Variants in FAM76B observed in about 807,000 individuals in gnomAD.
FAM76B encodes protein FAM76B.
A neutral mutation model predicts 51.8 loss-of-function variants in FAM76B; 16 were observed. The observed-to-expected ratio is 0.31, with a 90% CI of 0.21 to 0.47. The LOEUF (loss-of-function observed/expected upper bound fraction) is 0.47. Among genes scored for constraint, FAM76B ranks in the 20% least tolerant of loss-of-function variants. The pLI is 1.00. For missense variants in FAM76B, 342 were observed against 392.6 expected, an observed-to-expected ratio of 0.87 and a Z score of 1.09; for synonymous variants, 166 against 129.5, an observed-to-expected ratio of 1.28 and a Z score of -1.91.
chr11:95,783,358 C>A, intron 4 of FAM76B, 94 bp from the exon 5 acceptor site: 1 of 1,017,694 alleles, frequency 9.8e-7, no homozygotes, highest in South Asian at 1.5e-5. Context: ...ACCTATATTC[C>A]ACACGTAACA....
intron 5 of FAM76B, among the ~76,000 whole-genome samples, chr11:95,782,556 G>A (rs61902244): frequency 0.065 from 9,895 of 151,834 alleles, 411 homozygotes; most frequent in Middle Eastern, 0.13. Context: ...AAAACACAAA[G>A]TATCATTAGT....
chr11:95,772,617 TTA>T (rs1859818546), intron 9 of FAM76B, among the ~76,000 whole-genome samples: 2 of 151,210 alleles, frequency 1.3e-5, no homozygotes, highest in South Asian at 4.1e-4. Flanking sequence ...ATCCTCTGAC[TTA>T]TGTTTCAACA....
chr11:95,776,114 A>C, intron 8 of FAM76B, 91 bp from the exon 9 acceptor site: 2 of 650,974 alleles, frequency 3.1e-6, no homozygotes, highest in Non-Finnish European at 4.6e-6. Flanking sequence ...CTCACATTTC[A>C]TTACAAAAGT....
In FAM76B at chr11:95,775,947, TG is replaced by T; in HGVS notation, c.904del (p.His302ThrfsTer35). ...CTGAAGTTGTTCCACAGTTTCTTTG[TG>T]GGCTTTTTCCATACTGTTCATTTTT... Reference protein sequence around the residue: ...RTKMNSMEKAHKETVEQLQAK... With the variant: ...RTKMNSMEKAXKETVEQLQAK... On this transcript the variant is annotated frameshift_variant, in exon 9 of 10. Transcript: ENST00000358780. LOFTEE classifies it high-confidence loss of function. 1 of 1,591,238 alleles carries T rather than the reference TG, an allele frequency of 6.3e-7. No individual in the cohort carries two copies. The highest frequency in any genetic ancestry group is 8.6e-7 in the Non-Finnish European group (1 of 1,169,024).
chr11:95,775,118 T>C (rs1452020880), intron 9 of FAM76B, among the ~76,000 whole-genome samples: 1 of 151,460 alleles, frequency 6.6e-6, no homozygotes, highest in African/African-American at 2.4e-5. Context: ...AAAACTTCTT[T>C]CACCTTAAAA....
rs1425984687 is a variant in FAM76B, at chr11:95,786,287, C to T, written c.208-13G>A. 6.2e-7 allele frequency: 1 copy of T among 1,613,112 alleles called. No individual in the cohort carries two copies. Among genetic ancestry groups the T allele is most frequent in the South Asian group, 1.1e-5 (1 of 90,998 alleles). On this transcript the variant is annotated splice_polypyrimidine_tract_variant and intron_variant, in intron 3 of 9. Coordinates refer to ENST00000358780, the MANE Select transcript of FAM76B (RefSeq NM_144664.5). Reference sequence around the variant, plus strand: ...GACAAGGCTTGGGCTGAAAAACATACACATTTTGAGACTTTTAAAAACATT... The same window carrying T: ...GACAAGGCTTGGGCTGAAAAACATATACATTTTGAGACTTTTAAAAACATT...
rs1860364056 is a variant in FAM76B, at chr11:95,783,131, T to C, written c.497A>G (p.Gln166Arg). 6.2e-7 allele frequency: 1 copy of C among 1,613,112 alleles called. No homozygotes were observed. Among genetic ancestry groups the C allele is most frequent in the African/African-American group, 1.3e-5 (1 of 74,922 alleles). ...GTGGTGATGATGTTTTGGATGATGC[T>C]GGTCTTTCTCAGTAAGAGATGAAGA... ...SSSSSLTEKD[Q>R]HHPKHHHHHH... Residue 166 changes from glutamine to arginine, a missense_variant, in exon 5 of 10, where the codon CAG becomes CGG. Gln to Arg is a conservative substitution (Grantham distance 43, BLOSUM62 1). This residue lies in a region of FAM76B where 230 missense variants were observed against 257.4 expected (regional missense o/e 0.89). Transcript: ENST00000358780.
Position 95,789,540 on chromosome 11 carries a change from C to G in FAM76B, c.-62G>C, listed in dbSNP as rs1485215900. ...CCGAGGCGGGGCCCTACGGAGAACC[C>G]GAGAGCCGCCGCCGCCCGGGCCGCG... On this transcript the variant is annotated 5_prime_UTR_variant, in exon 1 of 10. Transcript: ENST00000358780. 1.7e-5 allele frequency: 25 copies of G among 1,470,992 alleles called. 2 individuals carry two copies. The South Asian group carries it at 2.7e-4, about 16-fold the overall frequency. 91.1% of individuals were successfully genotyped at this position (1,470,992 alleles called of 1,614,324 possible).
At chr11:95,773,702 C>T (rs1170113263) in intron 9 of FAM76B, among the ~76,000 whole-genome samples, 1 of 151,242 alleles carries the variant, frequency 6.6e-6, no homozygotes, top group African/African-American at 2.4e-5. Flanking sequence ...AAACACTTAG[C>T]CTAACACAGT....
At chr11:95,780,072 T>A in intron 5 of FAM76B, 146 bp from the exon 6 acceptor site, 1 of 630,776 alleles carries the variant, frequency 1.6e-6, no homozygotes. Context: ...ACTAAGCTAA[T>A]ACATATTGAA....
chr11:95,778,670 T>C, intron 8 of FAM76B, 152 bp downstream of exon 8: 1 of 876,954 alleles, frequency 1.1e-6, no homozygotes, highest in East Asian at 3.1e-5. Flanking sequence ...CCATCTTCAT[T>C]AGATGGCTTC....
intron 5 of FAM76B, among the ~76,000 whole-genome samples, chr11:95,782,109 T>C (rs762856260): frequency 3.3e-5 from 5 of 152,182 alleles, no homozygotes; most frequent in Non-Finnish European, 5.9e-5. Context: ...TTAATTTGTG[T>C]TTGTCAGTTT....
At chr11:95,784,331 A>G (rs1860434209) in intron 4 of FAM76B, among the ~76,000 whole-genome samples, 1 of 152,082 alleles carries the variant, frequency 6.6e-6, no homozygotes, top group Non-Finnish European at 1.5e-5. Flanking sequence ...AAAATAACTA[A>G]TAGGTATTAG....
Position 95,786,181 on chromosome 11 carries a change from G to T in FAM76B, c.301C>A (p.Gln101Lys). 6.2e-7 allele frequency: 1 copy of T among 1,614,120 alleles called. No homozygotes were observed. Among genetic ancestry groups the T allele is most frequent in the Non-Finnish European group, 8.5e-7 (1 of 1,180,010 alleles). Residue 101 changes from glutamine to lysine, a missense_variant, in exon 4 of 10, where the codon CAG becomes AAG. Physicochemically the swap from Gln to Lys is moderately conservative, Grantham distance 53 (BLOSUM62 1). Around this residue, in one of 3 missense-constraint regions of FAM76B, gnomAD observed 16 missense variants for 40.5 expected, o/e 0.40. Transcript: ENST00000358780. ...TNSEKKYGPP[Q>K]TCEQCKQQCA... is the part of the protein sequence containing the mutation. The stretch of plus-strand genomic sequence containing the variant: ...TGCTGTTTGCACTGTTCACAGGTCT[G>T]AGGTGGTCCATACTTTTTTTCTGAA...
rs1184996615 is a variant in FAM76B at position 95,778,876 on chromosome 11, T to G, written c.774A>C (p.Ser258=). Residue 258 remains serine (S), a synonymous_variant, in exon 8 of 10, where the codon TCA becomes TCC. Coordinates refer to ENST00000358780, the MANE Select transcript of FAM76B (RefSeq NM_144664.5). ...CTCTCTGCTGTAAGAGACGCTTAAGTGACATCACTTCTTCTTTCAATTGAC... is the reference window on the plus strand; with the variant it reads ...CTCTCTGCTGTAAGAGACGCTTAAGGGACATCACTTCTTCTTTCAATTGAC... ...LISQLKEEVM[S]LKRLLQQRDQ... 1 of 1,610,858 alleles carries G rather than the reference T, an allele frequency of 6.2e-7. No homozygotes were observed.
At chr11:95,772,063 G>A (rs11021311) in intron 9 of FAM76B, among the ~76,000 whole-genome samples, 52,293 of 150,780 alleles carry the variant, frequency 0.35, 9,785 homozygotes, top group Non-Finnish European at 0.42. Flanking sequence ...TTTGGGAGGA[G>A]TATTTCCTGG....
intron 5 of FAM76B, among the ~76,000 whole-genome samples, chr11:95,780,845 T>A (rs964686506): frequency 2.0e-5 from 3 of 152,066 alleles, no homozygotes; most frequent in African/African-American, 7.2e-5. Context: ...AATCACTTAG[T>A]ACAGTGCTAG....
intron 9 of FAM76B, among the ~76,000 whole-genome samples, chr11:95,773,458 C>CA (rs56008636): frequency 0.46 from 58,993 of 127,696 alleles, 13,888 homozygotes; most frequent in East Asian, 0.65. Context: ...TGCAGCCAGC[C>CA]AAAAAAAAAA....
chr11:95,769,269 T>C lies in FAM76B; in HGVS notation c.*2292A>G, dbSNP rs1027597059. On this transcript the variant is annotated 3_prime_UTR_variant, in exon 10 of 10. Transcript: ENST00000358780. ...TCCACATTTAAAGAATATCAGTTTA[T>C]TATGTCAAAACACTACAGAGATCCA... is the stretch of plus-strand genomic sequence containing the variant. The C allele has an allele frequency of 2.0e-5, 3 of 152,294 alleles. No individual in the cohort carries two copies. Among genetic ancestry groups the C allele is most frequent in the Admixed American group, 6.6e-5 (1 of 15,212 alleles). The allele number at this position is 152,294 out of a possible 1,614,324, so 9.4% of individuals were successfully genotyped here.
Sources: gnomAD v4.1 joint callset for allele counts (sites outside exome capture counted in the v4.1 genomes callset) on GRCh38, gnomAD v4.1.1 for gene constraint, gnomAD v4.1.1 regional missense constraint, MANE v1.5 for transcripts, NCBI Gene and HGNC (gene_info 2026-07-23, HGNC 2026-07-21) for gene names.